RANBP9: variants seen among roughly 807,000 people sequenced by gnomAD.
The protein encoded by RANBP9 is ran-binding protein 9.
RANBP9 carries 15 observed loss-of-function variants against 84.3 expected under a neutral mutation model. The ratio of observed to expected loss-of-function variants is 0.18; its 90% CI spans 0.12 to 0.27. The LOEUF (loss-of-function observed/expected upper bound fraction) is 0.27. RANBP9 is among the 10% of genes least tolerant of loss of function. RANBP9 has a pLI of 1.00. For missense variants in RANBP9, 809 were observed against 912.8 expected (o/e 0.89, Z 1.46); for synonymous variants, 392 against 349.6 (o/e 1.12, Z -1.35).
In RANBP9 at chr6:13,632,541, G is replaced by A. The variant is rs777444451; in HGVS notation, c.1796-20C>T. The A allele has an allele frequency of 2.5e-6, 4 of 1,599,252 alleles. No individual in the cohort carries two copies. The highest frequency in any genetic ancestry group is 2.6e-6 in the Non-Finnish European group (3 of 1,167,036). ...CAACTTCTGTAAGAAAAACAGACAA[G>A]TATTTTACTACCTTATGGAATGGAG... On this transcript the variant is annotated intron_variant, in intron 11 of 13. Coordinates refer to ENST00000011619, the MANE Select transcript of RANBP9 (RefSeq NM_005493.3).
intron 1 of RANBP9, among the ~76,000 whole-genome samples, chr6:13,698,811 T>C (rs1205666730): frequency 6.6e-6 from 1 of 152,146 alleles, no homozygotes; most frequent in African/African-American, 2.4e-5. Flanking sequence ...GTCATACTGC[T>C]AAAAGCGAAT....
At chr6:13,647,065 C>A (rs746395673) in intron 5 of RANBP9, among the ~76,000 whole-genome samples, 1 of 152,282 alleles carries the variant, frequency 6.6e-6, no homozygotes, top group Middle Eastern at 3.4e-3. Flanking sequence ...ACCCTTTCAT[C>A]TACTGTACAC....
In RANBP9 at chr6:13,650,681, T is replaced by C. The variant is rs150626739; in HGVS notation, c.927+1978A>G. 3.3e-3 allele frequency among the ~76,000 whole-genome samples: 508 copies of C among 152,294 alleles called. 2 individuals carry two copies. Among genetic ancestry groups the C allele is most frequent in the African/African-American group, 0.012 (494 of 41,560 alleles). On this transcript the variant is annotated intron_variant, in intron 5 of 13. Transcript: ENST00000011619. Reference sequence around the variant, plus strand: ...CACGATGTAATCAGCAGCTTGGAGATTAATCCCAGAGACATAATAAGAGTA... The same window carrying C: ...CACGATGTAATCAGCAGCTTGGAGACTAATCCCAGAGACATAATAAGAGTA...
chr6:13,663,958 G>A (rs191053109), intron 2 of RANBP9, among the ~76,000 whole-genome samples: 18 of 151,898 alleles, frequency 1.2e-4, no homozygotes, highest in Non-Finnish European at 2.2e-4. Flanking sequence ...ATTCTCCAAG[G>A]ACCAACAAAA....
intron 9 of RANBP9, 43 bp from the exon 10 acceptor site, chr6:13,637,998 T>C (rs1159001301): frequency 6.5e-7 from 1 of 1,533,272 alleles, no homozygotes; most frequent in Non-Finnish European, 8.8e-7. Flanking sequence ...CAAACACTAA[T>C]TTATTAATAC....
chr6:13,701,950 T>C (rs568225239), intron 1 of RANBP9, among the ~76,000 whole-genome samples: 79 of 152,248 alleles, frequency 5.2e-4, no homozygotes, highest in African/African-American at 1.8e-3. Context: ...CTGGAACCAG[T>C]TTCCTCTCTA....
intron 9 of RANBP9, among the ~76,000 whole-genome samples, chr6:13,638,407 C>G (rs1005356437): frequency 6.6e-6 from 1 of 151,996 alleles, no homozygotes; most frequent in Non-Finnish European, 1.5e-5. Context: ...TAAGAAAAAG[C>G]AATGGTGTTA....
intron 2 of RANBP9, among the ~76,000 whole-genome samples, chr6:13,668,409 G>A (rs1765700150): frequency 6.6e-6 from 1 of 151,762 alleles, no homozygotes; most frequent in Non-Finnish European, 1.5e-5. Flanking sequence ...ACTAGATAAA[G>A]GCATCACAAA....
At position 13,693,014 on chromosome 6, in the gene RANBP9, G is replaced by A. The variant is rs137934413; in HGVS notation, c.683+3771C>T. Among the ~76,000 whole-genome samples, 796 of 152,356 alleles carry A rather than the reference G, an allele frequency of 5.2e-3. 4 individuals are homozygous for A. The highest frequency in any genetic ancestry group is 0.018 in the African/African-American group (751 of 41,576). On this transcript the variant is annotated intron_variant, in intron 2 of 13. Transcript: ENST00000011619. ...CTTACTCTTAAATCTGTAGGGTCAT[G>A]TTGGCAGTAAGCAGACAATTGAAAC...
In RANBP9 at chr6:13,634,551, T is replaced by G; in HGVS notation, c.1675A>C (p.Asn559His). 1.3e-6 allele frequency: 2 copies of G among 1,593,988 alleles called. No individual in the cohort carries two copies. Among genetic ancestry groups the G allele is most frequent in the Non-Finnish European group, 1.7e-6 (2 of 1,170,660 alleles). Reference protein sequence around the residue: ...RSQQVNNFTSNDVDMETDHYS... With the variant: ...RSQQVNNFTSHDVDMETDHYS... Reference sequence around the variant, plus strand: ...TGATCTGTTTCCATGTCTACATCATTACTGAAAACGAAAAAACAAACCTAA... The same window carrying G: ...TGATCTGTTTCCATGTCTACATCATGACTGAAAACGAAAAAACAAACCTAA... Residue 559 changes from asparagine (N) to histidine (H), a missense_variant and splice_region_variant, in exon 11 of 14, where the codon AAT (asparagine) becomes CAT (histidine). Around this residue, in one of 5 missense-constraint regions of RANBP9, gnomAD observed 233 missense variants for 234.4 expected, o/e 0.99. Coordinates refer to ENST00000011619, the MANE Select transcript of RANBP9 (RefSeq NM_005493.3).
intron 5 of RANBP9, among the ~76,000 whole-genome samples, chr6:13,645,748 T>A (rs541778049): frequency 4.3e-4 from 66 of 152,346 alleles, no homozygotes; most frequent in African/African-American, 1.6e-3. Flanking sequence ...ATTTTCATTT[T>A]CTGTATTTAT....
At chr6:13,684,756 T>C (rs1766129621) in intron 2 of RANBP9, among the ~76,000 whole-genome samples, 1 of 152,154 alleles carries the variant, frequency 6.6e-6, no homozygotes, top group African/African-American at 2.4e-5. Context: ...CTTAAATAAA[T>C]AATTATGAAG....
At chr6:13,636,943 A>G (rs891327096) in intron 10 of RANBP9, among the ~76,000 whole-genome samples, 1 of 152,190 alleles carries the variant, frequency 6.6e-6, no homozygotes, top group African/African-American at 2.4e-5. Flanking sequence ...CTCTCCTTTA[A>G]TAAGAAAATG....
At position 13,683,005 on chromosome 6, in the gene RANBP9, A is replaced by G. The variant is rs532576055; in HGVS notation, c.683+13780T>C. On this transcript the variant is annotated intron_variant, in intron 2 of 13. Coordinates refer to ENST00000011619, the MANE Select transcript of RANBP9 (RefSeq NM_005493.3). ...TCACTGTATTAACTCTGTCTTCTGTATGTTTGTAAATGTTGGGGAGGAAAA... is the reference window on the plus strand; with the variant it reads ...TCACTGTATTAACTCTGTCTTCTGTGTGTTTGTAAATGTTGGGGAGGAAAA... 8.5e-5 allele frequency among the ~76,000 whole-genome samples: 13 copies of G among 152,326 alleles called. 1 individual carries two copies. In the South Asian group the frequency reaches 2.7e-3, roughly 32 times the overall value.
intron 2 of RANBP9, among the ~76,000 whole-genome samples, chr6:13,682,598 G>A (rs1488931508): frequency 4.0e-5 from 6 of 151,876 alleles, no homozygotes; most frequent in Non-Finnish European, 7.4e-5. Context: ...GATTACAGGC[G>A]CCCACCACCA....
chr6:13,665,297 A>C (rs1765621600), intron 2 of RANBP9, among the ~76,000 whole-genome samples: 1 of 152,192 alleles, frequency 6.6e-6, no homozygotes, highest in African/African-American at 2.4e-5. Context: ...CAAAAGACAT[A>C]GATGATCCAA....
chr6:13,622,542 A>T (rs753163352), intron 13 of RANBP9, 50 bp from the exon 14 acceptor site: 45 of 1,497,858 alleles, frequency 3.0e-5, no homozygotes, highest in Non-Finnish European at 3.9e-5. Context: ...AAGACATTTT[A>T]AAAAACATTT....
chr6:13,708,040 A>C (rs771379008), intron 1 of RANBP9, among the ~76,000 whole-genome samples: 2 of 152,272 alleles, frequency 1.3e-5, no homozygotes, highest in Non-Finnish European at 2.9e-5. Flanking sequence ...CTGCATGTCT[A>C]GTATTATCTA....
chr6:13,640,342 T>C (rs1765035719), intron 8 of RANBP9, among the ~76,000 whole-genome samples: 1 of 152,128 alleles, frequency 6.6e-6, no homozygotes, highest in Non-Finnish European at 1.5e-5. Flanking sequence ...CAAATCAGGA[T>C]GGCTATTATT....
Sources: gnomAD v4.1 joint callset for allele counts (sites outside exome capture counted in the v4.1 genomes callset) on GRCh38, gnomAD v4.1.1 for gene constraint, gnomAD v4.1.1 regional missense constraint, MANE v1.5 for transcripts, NCBI Gene and HGNC (gene_info 2026-07-23, HGNC 2026-07-21) for gene names.